MBD5: variants seen among roughly 807,000 people sequenced by gnomAD.
MBD5 encodes the protein methyl-CpG binding domain protein 5, also known as methyl-CpG-binding domain protein 5.
A neutral mutation model predicts 117.3 loss-of-function variants in MBD5; 13 were observed. The observed-to-expected ratio is 0.11, with a 90% confidence interval of 0.07 to 0.18. The LOEUF is 0.18. MBD5 is among the 10% of genes least tolerant of loss of function. The probability of loss-of-function intolerance (pLI) is 1.00; values close to 1 mark genes in which losing one functional copy is unlikely to be tolerated. For missense variants in MBD5, 1,879 were observed against 2,093.8 expected (o/e 0.90, Z 2.00); for synonymous variants, 727 against 766.4 (o/e 0.95, Z 0.85).
chr2:148,114,460 A>T (rs572250723), intron 1 of MBD5, among the ~76,000 whole-genome samples: 106 of 152,216 alleles, frequency 7.0e-4, no homozygotes, highest in African/African-American at 2.3e-3. Context: ...ATAGAGTGAG[A>T]GTCCATCTCA....
At chr2:148,482,180 C>A (rs1574475338) in intron 8 of MBD5, among the ~76,000 whole-genome samples, 1 of 151,900 alleles carries the variant, frequency 6.6e-6, no homozygotes, top group African/African-American at 2.4e-5. Flanking sequence ...ATATGTAAAC[C>A]CTTTTGTCCC....
intron 1 of MBD5, among the ~76,000 whole-genome samples, chr2:148,161,558 A>G (rs1448469847): frequency 6.6e-6 from 1 of 152,132 alleles, no homozygotes; most frequent in Non-Finnish European, 1.5e-5. Flanking sequence ...TTTTCTTAAT[A>G]GTATCTTCCT....
intron 4 of MBD5, among the ~76,000 whole-genome samples, chr2:148,430,989 GT>G: frequency 1.3e-5 from 2 of 152,118 alleles, no homozygotes; most frequent in East Asian, 3.9e-4. Context: ...CTTTTTATGA[GT>G]TTACTGATTG....
chr2:148,157,804 G>A (rs1484266029), intron 1 of MBD5, among the ~76,000 whole-genome samples: 1 of 152,102 alleles, frequency 6.6e-6, no homozygotes, highest in Non-Finnish European at 1.5e-5. Flanking sequence ...GCTCTCTCAG[G>A]TGCCACTGGT....
chr2:148,064,093 A>G (rs1416002915), intron 1 of MBD5, among the ~76,000 whole-genome samples: 2 of 151,162 alleles, frequency 1.3e-5, no homozygotes, highest in African/African-American at 4.9e-5. Context: ...GGTGAATCTA[A>G]AGGAAACATA....
intron 1 of MBD5, among the ~76,000 whole-genome samples, chr2:148,059,480 A>G (rs1342754347): frequency 6.6e-6 from 1 of 152,212 alleles, no homozygotes; most frequent in East Asian, 1.9e-4. Context: ...AGCTATGTAA[A>G]TATACTAGCA....
At chr2:148,324,161 G>T (rs1274055734) in intron 3 of MBD5, among the ~76,000 whole-genome samples, 1 of 151,876 alleles carries the variant, frequency 6.6e-6, no homozygotes, top group African/African-American at 2.4e-5. Flanking sequence ...GTAGATATGT[G>T]GCGTTATTTC....
chr2:148,386,024 T>C (rs1390957747), intron 4 of MBD5, among the ~76,000 whole-genome samples: 1 of 149,310 alleles, frequency 6.7e-6, no homozygotes, highest in Admixed American at 6.7e-5. Context: ...GAGGAGTTAA[T>C]GGGTGCAGCA....
At chr2:148,324,118 T>G (rs1197527210) in intron 3 of MBD5, among the ~76,000 whole-genome samples, 1 of 152,172 alleles carries the variant, frequency 6.6e-6, no homozygotes, top group Admixed American at 6.5e-5. Context: ...CCCTTTGCTT[T>G]TTTTTCTCAG....
Position 148,475,103 on chromosome 2 carries a change from A to G in MBD5, c.2518+4642A>G, listed in dbSNP as rs570112327. On this transcript the variant is annotated intron_variant, in intron 8 of 13. Transcript: ENST00000642680. ...ATTAATGTAGACTGAAGAAAGAGGA[A>G]GAGCCTCCTTGAAGGCTGTGACTGA... 9.2e-5 allele frequency among the ~76,000 whole-genome samples: 14 copies of G among 152,242 alleles called. No individual in the cohort carries two copies. In the South Asian group the frequency reaches 2.7e-3, roughly 29 times the overall value.
chr2:148,327,425 A>T (rs1168035950), intron 3 of MBD5, among the ~76,000 whole-genome samples: 3 of 152,182 alleles, frequency 2.0e-5, no homozygotes, highest in Non-Finnish European at 4.4e-5. Flanking sequence ...AATATCCTTT[A>T]GAGTGTTTCC....
intron 2 of MBD5, among the ~76,000 whole-genome samples, chr2:148,185,455 A>G (rs1478557169): frequency 1.3e-5 from 2 of 152,206 alleles, no homozygotes; most frequent in Non-Finnish European, 2.9e-5. Flanking sequence ...CAGAGATTAC[A>G]TTTCTAGAAA....
chr2:148,081,977 C>T (rs1003405786), intron 1 of MBD5, among the ~76,000 whole-genome samples: 5 of 152,138 alleles, frequency 3.3e-5, no homozygotes, highest in Admixed American at 1.3e-4. Flanking sequence ...TATTCACTTC[C>T]GCATGAGTCT....
chr2:148,068,554 C>G (rs1473020586), intron 1 of MBD5: 1 of 152,182 alleles, frequency 6.6e-6, no homozygotes, highest in Non-Finnish European at 1.5e-5. Flanking sequence ...AATCTAAGAG[C>G]TCTTGTCACA....
chr2:148,179,211 C>T (rs562174611), intron 2 of MBD5, among the ~76,000 whole-genome samples: 7 of 151,972 alleles, frequency 4.6e-5, no homozygotes, highest in South Asian at 4.2e-4. Context: ...AAAAATTAGG[C>T]GGGCGTGGTG....
chr2:148,250,516 A>G (rs957635208), intron 3 of MBD5, among the ~76,000 whole-genome samples: 1 of 152,226 alleles, frequency 6.6e-6, no homozygotes, highest in Admixed American at 6.5e-5. Flanking sequence ...ATTGAAGACA[A>G]CTAGGGCTTT....
In MBD5 at chr2:148,146,651, T is replaced by C. The variant is rs1191390821; in HGVS notation, c.-924-32049T>C. On this transcript the variant is annotated intron_variant, in intron 1 of 13. Coordinates refer to ENST00000642680, the MANE Select transcript of MBD5 (RefSeq NM_001378120.1). ...ACTCATATTAAGGTTATTTTTTCAA[T>C]TGTATTTGGGAGCTATTTAAAAAAA... 1.3e-5 allele frequency among the ~76,000 whole-genome samples: 2 copies of C among 152,184 alleles called. 1 individual carries two copies. Among genetic ancestry groups the C allele is most frequent in the Middle Eastern group, 6.3e-3 (2 of 316 alleles).
intron 3 of MBD5, among the ~76,000 whole-genome samples, chr2:148,330,050 C>CCCCA (rs1358739707): frequency 1.3e-4 from 4 of 31,930 alleles, no homozygotes; most frequent in African/African-American, 3.9e-4. Flanking sequence ...CCCGCCCCCC[C>CCCCA]CACACACACA....
intron 1 of MBD5, among the ~76,000 whole-genome samples, chr2:148,137,052 G>A (rs147769117): frequency 2.0e-5 from 3 of 152,058 alleles, no homozygotes; most frequent in South Asian, 2.1e-4. Flanking sequence ...GTGAGTCACC[G>A]TGCCCAGCCC....
Sources: allele counts gnomAD v4.1 joint callset (sites outside exome capture counted in the v4.1 genomes callset), GRCh38; gene constraint gnomAD v4.1.1; transcripts MANE v1.5; gene names NCBI Gene and HGNC (gene_info 2026-07-23, HGNC 2026-07-21).